Variants in TUSC3 observed in about 807,000 individuals in gnomAD.
TUSC3 encodes dolichyl-diphosphooligosaccharide--protein glycosyltransferase subunit TUSC3.
In TUSC3, 45 loss-of-function variants were observed where a neutral mutation model predicts 44.8. The ratio of observed to expected loss-of-function variants is 1.00; its 90% confidence interval spans 0.79 to 1.29. The LOEUF is 1.29. Among genes scored for constraint, TUSC3 ranks in the 50% most tolerant of loss-of-function variants. TUSC3 has a pLI of 0.00. For missense variants in TUSC3, 519 were observed against 437.9 expected (o/e 1.19, Z -1.65); for synonymous variants, 212 against 152.9 (o/e 1.39, Z -2.85).
chr8:15,702,328 T>C (rs1432588109), intron 6 of TUSC3, among the ~76,000 whole-genome samples: 5 of 152,172 alleles, frequency 3.3e-5, no homozygotes, highest in Admixed American at 3.3e-4. Flanking sequence ...ACAATTTAGA[T>C]AGGGAACTTG....
chr8:15,527,836 T>A (rs1280789673), intron 2 of TUSC3, among the ~76,000 whole-genome samples: 1 of 152,254 alleles, frequency 6.6e-6, no homozygotes, highest in Non-Finnish European at 1.5e-5. Context: ...TCTGTCATTT[T>A]TAAACATTCC....
chr8:15,655,734 A>G (rs1807132882), intron 3 of TUSC3, among the ~76,000 whole-genome samples: 1 of 152,196 alleles, frequency 6.6e-6, no homozygotes, highest in Admixed American at 6.5e-5. Flanking sequence ...GGGATTCACC[A>G]CTGCTAACAC....
At chr8:15,615,255 C>T (rs1359351556) in intron 1 of TUSC3, among the ~76,000 whole-genome samples, 2 of 152,148 alleles carry the variant, frequency 1.3e-5, no homozygotes, top group African/African-American at 4.8e-5. Context: ...GTTGTATATA[C>T]ACAATGGAAT....
intron 1 of TUSC3, among the ~76,000 whole-genome samples, chr8:15,458,987 A>T (rs1198567494): frequency 6.6e-6 from 1 of 152,202 alleles, no homozygotes; most frequent in Non-Finnish European, 1.5e-5. Context: ...CAAATAGACC[A>T]GGTTCATTTT....
At chr8:15,511,849 C>T (rs1019791849) in intron 2 of TUSC3, among the ~76,000 whole-genome samples, 11 of 148,232 alleles carry the variant, frequency 7.4e-5, no homozygotes, top group African/African-American at 2.2e-4. Flanking sequence ...CCAGCCTGGG[C>T]GACAGAGCAA....
chr8:15,657,984 C>G (rs950896805), intron 3 of TUSC3, among the ~76,000 whole-genome samples: 3 of 152,172 alleles, frequency 2.0e-5, no homozygotes, highest in African/African-American at 7.2e-5. Flanking sequence ...AGAGCAGGCT[C>G]AACTTGCACT....
chr8:15,632,915 C>T (rs180736480), intron 2 of TUSC3, among the ~76,000 whole-genome samples: 125 of 152,244 alleles, frequency 8.2e-4, no homozygotes, highest in Non-Finnish European at 1.3e-3. Context: ...TCTAAGCTTA[C>T]GTTGTATGTT....
At chr8:15,754,631 A>G (rs2543155) in intron 9 of TUSC3, among the ~76,000 whole-genome samples, 15,792 of 152,036 alleles carry the variant, frequency 0.1, 1,372 homozygotes, top group African/African-American at 0.24. Context: ...TTTAGGCTCC[A>G]ATGCCAAAGT....
intron 6 of TUSC3, chr8:15,689,443 C>G (rs1465494806): frequency 5.7e-6 from 1 of 175,102 alleles, no homozygotes; most frequent in Non-Finnish European, 1.2e-5. Context: ...GTCTTGCTCT[C>G]TTGCAGTGCC....
chr8:15,656,376 A>G (rs1807164955), intron 3 of TUSC3, among the ~76,000 whole-genome samples: 1 of 152,162 alleles, frequency 6.6e-6, no homozygotes. Flanking sequence ...TACTTCTAAA[A>G]TAAAATGGTA....
intron 1 of TUSC3, among the ~76,000 whole-genome samples, chr8:15,569,406 TA>T (rs1187656928): frequency 2.0e-5 from 3 of 152,098 alleles, no homozygotes; most frequent in Non-Finnish European, 1.5e-5. Context: ...GAATTTGAGA[TA>T]AAAAATTACA....
At chr8:15,744,852 A>G (rs1436674759) in intron 8 of TUSC3, among the ~76,000 whole-genome samples, 4 of 152,068 alleles carry the variant, frequency 2.6e-5, no homozygotes, top group African/African-American at 2.4e-5. Context: ...AGTTTGTCCC[A>G]TGGGTATTTT....
chr8:15,600,557 G>C (rs910462088), intron 1 of TUSC3, among the ~76,000 whole-genome samples: 1 of 151,556 alleles, frequency 6.6e-6, no homozygotes, highest in African/African-American at 2.4e-5. Context: ...TTTTATTCTT[G>C]TTTGCTTTGT....
intron 1 of TUSC3, among the ~76,000 whole-genome samples, chr8:15,426,661 A>C (rs1799808247): frequency 6.6e-6 from 1 of 152,220 alleles, no homozygotes; most frequent in Non-Finnish European, 1.5e-5. Flanking sequence ...GGTTGTTTCC[A>C]TAACTTAGCT....
the TUSC3 span, among the ~76,000 whole-genome samples, chr8:15,814,533 G>T: frequency 6.6e-6 from 1 of 152,150 alleles, no homozygotes; most frequent in African/African-American, 2.4e-5. Flanking sequence ...GGAATTTTGT[G>T]CTACTGCACT....
At chr8:15,418,029 G>C (rs529119534) in intron 1 of TUSC3, among the ~76,000 whole-genome samples, 2 of 152,238 alleles carry the variant, frequency 1.3e-5, no homozygotes, top group South Asian at 4.1e-4. Flanking sequence ...AGCTTCCCAG[G>C]TTCCGTTAGA....
In TUSC3 at chr8:15,621,942, C is replaced by T. The variant is rs189929164; in HGVS notation, c.139-1138C>T. On this transcript the variant is annotated intron_variant, in intron 1 of 10. Coordinates refer to ENST00000503731, the MANE Select transcript of TUSC3 (RefSeq NM_006765.4). Reference sequence around the variant, plus strand: ...CATTTCTTTCCATTTATCTTTTTTCCTGTTCAAGTGGGTGCAAAGCACTGC... The same window carrying T: ...CATTTCTTTCCATTTATCTTTTTTCTTGTTCAAGTGGGTGCAAAGCACTGC... 4.7e-3 allele frequency among the ~76,000 whole-genome samples: 718 copies of T among 151,934 alleles called. 5 individuals carry two copies. The highest frequency in any genetic ancestry group is 0.017 in the African/African-American group (692 of 41,466).
Position 15,766,311 on chromosome 8 carries a change from A to C in TUSC3, c.*2155A>C, listed in dbSNP as rs763792392. 1 of 152,106 alleles carries C rather than the reference A, an allele frequency of 6.6e-6. No homozygotes were observed. The highest frequency in any genetic ancestry group is 1.5e-5 in the Non-Finnish European group (1 of 67,974). 9.4% of individuals were successfully genotyped at this position (152,106 alleles called of 1,614,324 possible). The stretch of plus-strand genomic sequence containing the variant: ...AGGCAGAATTGCAAAGAGTGGCTCA[A>C]ACATATAGTTTGCTTGCAGAATGTA... On this transcript the variant is annotated 3_prime_UTR_variant, in exon 11 of 11. Transcript: ENST00000503731.
chr8:15,777,777 C>A, the TUSC3 span, among the ~76,000 whole-genome samples: 1 of 152,202 alleles, frequency 6.6e-6, no homozygotes, highest in Non-Finnish European at 1.5e-5. Flanking sequence ...ATCTCCTTTA[C>A]AGGAATTCCC....
Sources: gnomAD v4.1 joint callset for allele counts (sites outside exome capture counted in the v4.1 genomes callset) on GRCh38, gnomAD v4.1.1 for gene constraint, MANE v1.5 for transcripts, NCBI Gene and HGNC (gene_info 2026-07-23, HGNC 2026-07-21) for gene names.